Variants in ADGRL2 observed in about 807,000 individuals in gnomAD.
The protein encoded by ADGRL2 is calcium-independent alpha-latrotoxin receptor 2.
A neutral mutation model predicts 157.4 loss-of-function variants in ADGRL2; 44 were observed. That is an observed-to-expected ratio of 0.28 (90% CI 0.22 to 0.36). ADGRL2 has a LOEUF of 0.36. Ranked by LOEUF, ADGRL2 falls within the 10% of genes least tolerant of loss-of-function variation. The probability of loss-of-function intolerance (pLI) is 1.00; values close to 1 mark genes in which losing one functional copy is unlikely to be tolerated. For synonymous variants in ADGRL2, 585 were observed against 624.7 expected (o/e 0.94, Z 0.95); for missense variants, 1,510 against 1,768.9 (o/e 0.85, Z 2.63).
chr1:81,640,056 G>A (rs188329226), intron 3 of ADGRL2, among the ~76,000 whole-genome samples: 1 of 152,150 alleles, frequency 6.6e-6, no homozygotes, highest in Admixed American at 6.5e-5. Context: ...TCAAACTCTT[G>A]GTATTATCCT....
At chr1:81,350,751 A>T (rs1260842624) in intron 1 of ADGRL2, among the ~76,000 whole-genome samples, 1 of 152,164 alleles carries the variant, frequency 6.6e-6, no homozygotes, top group Non-Finnish European at 1.5e-5. Context: ...GGTTTTTTAC[A>T]TGTAGGCATT....
intron 3 of ADGRL2, among the ~76,000 whole-genome samples, chr1:81,682,096 C>A (rs1476179689): frequency 1.0e-5 from 1 of 100,134 alleles, no homozygotes; most frequent in Non-Finnish European, 2.1e-5. Flanking sequence ...CATATATATA[C>A]ATATATATGT....
intron 2 of ADGRL2, among the ~76,000 whole-genome samples, chr1:81,461,870 G>C (rs2077935656): frequency 7.8e-6 from 1 of 127,498 alleles, no homozygotes; most frequent in African/African-American, 2.9e-5. Context: ...CAGTAGGCAA[G>C]AATTCTTCTA....
chr1:81,850,244 A>T (rs934989896), intron 2 of ADGRL2, among the ~76,000 whole-genome samples: 1 of 151,896 alleles, frequency 6.6e-6, no homozygotes, highest in African/African-American at 2.4e-5. Flanking sequence ...TATTGTAGTG[A>T]GTGAAGTTAA....
intron 3 of ADGRL2, among the ~76,000 whole-genome samples, chr1:81,929,658 A>G (rs2095185050): frequency 9.2e-5 from 14 of 152,194 alleles, no homozygotes; most frequent in Admixed American, 9.2e-4. Context: ...TAGAGTTGGA[A>G]TGGAAACAAA....
chr1:81,511,922 G>A (rs1041555376), intron 2 of ADGRL2, among the ~76,000 whole-genome samples: 3 of 151,798 alleles, frequency 2.0e-5, no homozygotes, highest in African/African-American at 7.3e-5. Context: ...AAATCTCAAC[G>A]TTTTATAATA....
intron 3 of ADGRL2, among the ~76,000 whole-genome samples, chr1:81,653,915 G>A (rs10747386): frequency 0.76 from 115,957 of 152,022 alleles, 44,596 homozygotes; most frequent in African/African-American, 0.87. Flanking sequence ...TTCCCCCTCA[G>A]AGTTCAGCTT....
chr1:81,985,133 A>G (rs1165258772), intron 20 of ADGRL2, 126 bp from the exon 21 acceptor site: 6 of 510,246 alleles, frequency 1.2e-5, no homozygotes, highest in Non-Finnish European at 2.1e-5. Context: ...GAAAAAACAC[A>G]CATTCTTTAA....
At chr1:81,739,119 G>C (rs1440608187) in intron 1 of ADGRL2, among the ~76,000 whole-genome samples, 1 of 152,186 alleles carries the variant, frequency 6.6e-6, no homozygotes, top group African/African-American at 2.4e-5. Context: ...CTGGCAGGCA[G>C]AAAACAAAAC....
At chr1:81,669,101 G>A (rs1354687167) in intron 3 of ADGRL2, among the ~76,000 whole-genome samples, 1 of 151,864 alleles carries the variant, frequency 6.6e-6, no homozygotes, top group Non-Finnish European at 1.5e-5. Flanking sequence ...CTAGTTTCAG[G>A]TGGATTTGTT....
chr1:81,459,073 G>C (rs1557703953), intron 2 of ADGRL2, among the ~76,000 whole-genome samples: 1 of 152,190 alleles, frequency 6.6e-6, no homozygotes, highest in Non-Finnish European at 1.5e-5. Flanking sequence ...CTGTGTGGCT[G>C]AGTCCAGGGT....
chr1:81,684,514 T>C (rs1464677118), intron 3 of ADGRL2, among the ~76,000 whole-genome samples: 1 of 152,220 alleles, frequency 6.6e-6, no homozygotes, highest in African/African-American at 2.4e-5. Flanking sequence ...TTTGAGTTCA[T>C]TGTAGATTCT....
intron 2 of ADGRL2, among the ~76,000 whole-genome samples, chr1:81,459,292 ATCTG>A (rs1286905018): frequency 6.6e-6 from 1 of 152,044 alleles, no homozygotes; most frequent in African/African-American, 2.4e-5. Flanking sequence ...CTGCCTAGGA[ATCTG>A]TCTGTCTCCT....
chr1:81,444,391 T>A (rs1354685017), intron 1 of ADGRL2, among the ~76,000 whole-genome samples: 1 of 152,228 alleles, frequency 6.6e-6, no homozygotes, highest in African/African-American at 2.4e-5. Context: ...CCATTTTATG[T>A]TTTTACATGT....
At chr1:81,505,064 G>T (rs2078941957) in intron 2 of ADGRL2, 2 of 406,470 alleles carry the variant, frequency 4.9e-6, no homozygotes, top group South Asian at 4.8e-5. Flanking sequence ...TGGCGGCGTG[G>T]CTCGCACTCA....
At chr1:81,397,000 T>G (rs2076666463) in intron 1 of ADGRL2, among the ~76,000 whole-genome samples, 1 of 152,204 alleles carries the variant, frequency 6.6e-6, no homozygotes, top group African/African-American at 2.4e-5. Flanking sequence ...ACAGTGATTT[T>G]GAAAGAATTC....
intron 1 of ADGRL2, among the ~76,000 whole-genome samples, chr1:81,705,403 A>T (rs1410584982): frequency 6.6e-6 from 1 of 152,060 alleles, no homozygotes; most frequent in Non-Finnish European, 1.5e-5. Context: ...GTGCATCACC[A>T]TGCCAGGCTA....
At chr1:81,817,983 G>A (rs1218872574) in intron 1 of ADGRL2, among the ~76,000 whole-genome samples, 2 of 151,620 alleles carry the variant, frequency 1.3e-5, no homozygotes, top group Non-Finnish European at 2.9e-5. Context: ...GGGTAACATA[G>A]CAAGACCCGT....
chr1:81,796,564 A>AT (rs1478612961), upstream of ADGRL2, among the ~76,000 whole-genome samples: 1 of 152,202 alleles, frequency 6.6e-6, no homozygotes, highest in African/African-American at 2.4e-5. Context: ...ATTATGAAGA[A>AT]TATCGTTTTA....
Sources: gnomAD v4.1 joint callset for allele counts (sites outside exome capture counted in the v4.1 genomes callset) on GRCh38, gnomAD v4.1.1 for gene constraint, MANE v1.5 for transcripts, NCBI Gene and HGNC (gene_info 2026-07-23, HGNC 2026-07-21) for gene names.